ASTN1: variants seen among roughly 807,000 people sequenced by gnomAD.
ASTN1 encodes the protein astrotactin-1.
In ASTN1, 41 loss-of-function variants were observed where a neutral mutation model predicts 140.7. That is an observed-to-expected ratio of 0.29 (90% CI 0.23 to 0.38). The LOEUF (loss-of-function observed/expected upper bound fraction) is 0.38, where lower values mean the gene tolerates loss of function less well. Among genes scored for constraint, ASTN1 ranks in the 10% least tolerant of loss-of-function variants. ASTN1 has a pLI of 1.00. For missense variants in ASTN1, 1,479 were observed against 1,678.8 expected, an observed-to-expected ratio of 0.88 and a Z score of 2.08; for synonymous variants, 640 against 652.2, an observed-to-expected ratio of 0.98 and a Z score of 0.29.
At chr1:176,868,443 T>G (rs1668206360) in intron 22 of ASTN1, among the ~76,000 whole-genome samples, 1 of 152,176 alleles carries the variant, frequency 6.6e-6, no homozygotes, top group African/African-American at 2.4e-5. Flanking sequence ...AAATAAGTAT[T>G]TACAATGGAT....
intron 1 of ASTN1, among the ~76,000 whole-genome samples, chr1:177,117,966 T>G (rs943644335): frequency 6.6e-6 from 1 of 152,242 alleles, no homozygotes; most frequent in African/African-American, 2.4e-5. Context: ...CATTTTACAC[T>G]TACAAAATGT....
In ASTN1 at chr1:177,032,834, G is replaced by C; in HGVS notation, c.487C>G (p.Leu163Val). 2 of 1,603,676 alleles carry C rather than the reference G, an allele frequency of 1.2e-6. No homozygotes were observed. Among genetic ancestry groups the C allele is most frequent in the Admixed American group, 3.3e-5 (2 of 59,748 alleles). ...ACCAGGCACAAGATGGACAGCAGCA[G>C]AGCGATCATGCCACCCTAGGAAGAG... ...HISVMGGMIA[L>V]LLSILCLVMI... The change falls in exon 3 of 23, where the codon CTG (leucine) becomes GTG (valine). Residue 163 changes from leucine to valine, a missense_variant. Coordinates refer to ENST00000361833, the MANE Select transcript of ASTN1 (RefSeq NM_004319.3).
At chr1:176,980,381 A>T (rs990858698) in intron 8 of ASTN1, among the ~76,000 whole-genome samples, 9 of 152,134 alleles carry the variant, frequency 5.9e-5, no homozygotes, top group African/African-American at 1.9e-4. Context: ...TTTTTGGCAC[A>T]TGACAAGAAA....
intron 22 of ASTN1, among the ~76,000 whole-genome samples, chr1:176,868,342 C>T (rs1026897237): frequency 3.3e-5 from 5 of 152,182 alleles, no homozygotes; most frequent in African/African-American, 1.2e-4. Flanking sequence ...TTAGCACACA[C>T]TATGCGACCC....
Position 176,861,573 on chromosome 1 carries a change from A to G in ASTN1, c.*2711T>C, listed in dbSNP as rs774807715. 4.8e-5 allele frequency: 47 copies of G among 985,576 alleles called. No individual in the cohort carries two copies. Among genetic ancestry groups the G allele is most frequent in the Non-Finnish European group, 5.5e-5 (46 of 829,960 alleles). 61.1% of individuals were successfully genotyped at this position (985,576 alleles called of 1,614,324 possible). On this transcript the variant is annotated 3_prime_UTR_variant, in exon 23 of 23. Coordinates refer to ENST00000361833, the MANE Select transcript of ASTN1 (RefSeq NM_004319.3). ...GTCTTCCAAGGGGAAAAAATCCTCC[A>G]GTCAATTGTACAACCATCCTAAGAT...
At position 176,884,351 on chromosome 1, in the gene ASTN1, T is replaced by C. The variant is rs558363072; in HGVS notation, c.3214A>G (p.Lys1072Glu). Residue 1072 changes from lysine to glutamate, a missense_variant, in exon 19 of 23, where the codon AAA becomes GAA. Around this residue, in one of 3 missense-constraint regions of ASTN1, gnomAD observed 746 missense variants for 800.9 expected, o/e 0.93. Transcript: ENST00000361833. ...EKVTDRMDHS[K>E]VETETVLSFV... ...AGAAGGTGCTCACCTGTCTCCACTT[T>C]GGAGTGGTCCATCCTGTCAGTGACT... The C allele has an allele frequency of 8.7e-6, 14 of 1,613,948 alleles. 1 individual carries two copies. In the Admixed American group the frequency reaches 1.7e-4, roughly 19 times the overall value.
chr1:176,926,761 G>C (rs78049356), intron 16 of ASTN1, among the ~76,000 whole-genome samples: 2 of 152,290 alleles, frequency 1.3e-5, no homozygotes, highest in South Asian at 4.1e-4. Context: ...ACATAAAGCC[G>C]TATAGAAATT....
At chr1:177,127,131 GAA>G (rs567270802) in intron 1 of ASTN1, among the ~76,000 whole-genome samples, 102 of 142,676 alleles carry the variant, frequency 7.1e-4, no homozygotes, top group Non-Finnish European at 1.2e-3. Context: ...TGCAAAAAAT[GAA>G]GTTTTATTTT....
chr1:176,888,078 G>C lies in ASTN1; in HGVS notation c.3067C>G (p.Gln1023Glu). Reference sequence around the variant, plus strand: ...AGAGAAAGAGAACCATACACAGGCTGTGGGAGAGGCGCACAGGTGGGGAGT... The same window carrying C: ...AGAGAAAGAGAACCATACACAGGCTCTGGGAGAGGCGCACAGGTGGGGAGT... ...DGLPTCAPLP[Q>E]PVLRLSTVHE... The change falls in exon 18 of 23, where the codon CAG becomes GAG. Residue 1023 changes from glutamine (Q) to glutamate (E), a missense_variant. By Grantham distance (29) the Gln-to-Glu change is conservative. Transcript: ENST00000361833. 6.2e-7 allele frequency: 1 copy of C among 1,614,130 alleles called. No homozygotes were observed. Among genetic ancestry groups the C allele is most frequent in the Non-Finnish European group, 8.5e-7 (1 of 1,180,022 alleles).
In ASTN1 at chr1:177,087,518, T is replaced by C. The variant is rs139966622; in HGVS notation, c.284-26253A>G. ...ATTATTTATTATTCAGAGGTGACCATGGCCTCCTTTACAACCTTCATACTT... is the reference window on the plus strand; with the variant it reads ...ATTATTTATTATTCAGAGGTGACCACGGCCTCCTTTACAACCTTCATACTT... On this transcript the variant is annotated intron_variant, in intron 1 of 22. Transcript: ENST00000361833. Among the ~76,000 whole-genome samples, 1,277 of 152,296 alleles carry C rather than the reference T, an allele frequency of 8.4e-3. 10 individuals carry two copies. Among genetic ancestry groups the C allele is most frequent in the Non-Finnish European group, 0.013 (913 of 68,010 alleles).
At chr1:177,123,786 G>A (rs76001277) in intron 1 of ASTN1, among the ~76,000 whole-genome samples, 2,398 of 152,276 alleles carry the variant, frequency 0.016, 21 homozygotes, top group South Asian at 0.026. Flanking sequence ...TTGGCCAGTG[G>A]TGCAGCAAGA....
At chr1:177,014,397 T>C (rs2101939015) in intron 8 of ASTN1, among the ~76,000 whole-genome samples, 1 of 152,290 alleles carries the variant, frequency 6.6e-6, no homozygotes, top group African/African-American at 2.4e-5. Flanking sequence ...TTTCCACTCA[T>C]GTCAGTCTTG....
Position 176,861,509 on chromosome 1 carries a change from G to C in ASTN1, c.*2775C>G. On this transcript the variant is annotated 3_prime_UTR_variant, in exon 23 of 23. Coordinates refer to ENST00000361833, the MANE Select transcript of ASTN1 (RefSeq NM_004319.3). ...TTCTAGCCAGGATGGGTTCCTTCAG[G>C]TAAGCATTAGGAAAAGTCAGCAGGT... 1.0e-6 allele frequency: 1 copy of C among 985,802 alleles called. No homozygotes were observed. Among genetic ancestry groups the C allele is most frequent in the Non-Finnish European group, 1.2e-6 (1 of 829,946 alleles). 61.1% of individuals were successfully genotyped at this position (985,802 alleles called of 1,614,324 possible). A position where few individuals can be genotyped will look rare whatever the true frequency, so the allele number is the denominator to read the frequency against.
chr1:176,993,037 C>A (rs1255442660), intron 8 of ASTN1, among the ~76,000 whole-genome samples: 2 of 152,228 alleles, frequency 1.3e-5, no homozygotes, highest in Admixed American at 1.3e-4. Context: ...CATGTAGGAA[C>A]CTGGCAAGAA....
At chr1:177,130,787 G>A (rs754549093) in intron 1 of ASTN1, among the ~76,000 whole-genome samples, 30 of 152,316 alleles carry the variant, frequency 2.0e-4, no homozygotes, top group Non-Finnish European at 3.7e-4. Context: ...CCTGGTCCAC[G>A]TTAAAGTGTT....
Position 176,949,308 on chromosome 1 carries a change from T to C in ASTN1, c.1931A>G (p.Tyr644Cys). ...LSPMKDSSGC[Y>C]DRHIGVDCSD... ...ACAGTCCACCCCGATGTGGCGGTCA[T>C]AGCAGCCAGAGCTGTCCTTCATGGG... Residue 644 changes from tyrosine to cysteine, a missense_variant, in exon 12 of 23, where the codon TAT becomes TGT. Physicochemically the swap from Tyr to Cys is radical, Grantham distance 194 (BLOSUM62 -2). Coordinates refer to ENST00000361833, the MANE Select transcript of ASTN1 (RefSeq NM_004319.3). 2.5e-6 allele frequency: 4 copies of C among 1,614,070 alleles called. No homozygotes were observed. The highest frequency in any genetic ancestry group is 1.1e-5 in the South Asian group (1 of 91,080).
At chr1:176,898,571 G>T (rs917521359) in intron 16 of ASTN1, among the ~76,000 whole-genome samples, 7 of 152,316 alleles carry the variant, frequency 4.6e-5, no homozygotes, top group Admixed American at 2.6e-4. Flanking sequence ...CCCAAAGAGA[G>T]CACCTATAAC....
chr1:177,053,142 T>C (rs1677624142), intron 2 of ASTN1, among the ~76,000 whole-genome samples: 1 of 152,236 alleles, frequency 6.6e-6, no homozygotes, highest in South Asian at 2.1e-4. Context: ...CTAATATTGA[T>C]TGAAACCTCA....
chr1:176,857,705 T>C (rs963418835), downstream of ASTN1: 92 of 513,524 alleles, frequency 1.8e-4, no homozygotes, highest in African/African-American at 1.4e-3. Flanking sequence ...GTCAGCACTA[T>C]GTGATACAGA....
Sources: gnomAD v4.1 joint callset for allele counts (sites outside exome capture counted in the v4.1 genomes callset) on GRCh38, gnomAD v4.1.1 for gene constraint, gnomAD v4.1.1 regional missense constraint, MANE v1.5 for transcripts, NCBI Gene and HGNC (gene_info 2026-07-23, HGNC 2026-07-21) for gene names.